COLEC12: variants seen among roughly 807,000 people sequenced by gnomAD.
COLEC12 encodes collectin subfamily member 12.
Under a neutral mutation model 71.1 loss-of-function variants are expected in COLEC12, and 33 were observed. The ratio of observed to expected loss-of-function variants is 0.46; its 90% confidence interval spans 0.35 to 0.62. The LOEUF is 0.62. Ranked by LOEUF, COLEC12 falls within the 20% of genes least tolerant of loss-of-function variation. The pLI, the probability that COLEC12 is intolerant of heterozygous loss-of-function variation, is 0.00. For synonymous variants in COLEC12, 350 were observed against 353.0 expected (o/e 0.99, Z 0.10); for missense variants, 765 against 916.1 (o/e 0.84, Z 2.13).
intron 1 of COLEC12, among the ~76,000 whole-genome samples, chr18:482,023 TGA>T (rs1917427940): frequency 6.6e-6 from 1 of 152,024 alleles, no homozygotes; most frequent in South Asian, 2.1e-4. Context: ...ACCCACGTAG[TGA>T]GCATAGCACC....
At chr18:335,461 T>C (rs1331303179) in intron 5 of COLEC12, among the ~76,000 whole-genome samples, 1 of 152,206 alleles carries the variant, frequency 6.6e-6, no homozygotes, top group African/African-American at 2.4e-5. Context: ...GGATGGGACT[T>C]ATTAAGAGAC....
At position 488,424 on chromosome 18, in the gene COLEC12, A is replaced by T. The variant is rs1399742237; in HGVS notation, c.8-7667T>A. Among the ~76,000 whole-genome samples the T allele has an allele frequency of 3.9e-5, 6 of 152,326 alleles. 1 individual carries two copies. The highest frequency in any genetic ancestry group is 1.4e-4 in the African/African-American group (6 of 41,544). On this transcript the variant is annotated intron_variant, in intron 1 of 9. Coordinates refer to ENST00000400256, the MANE Select transcript of COLEC12 (RefSeq NM_130386.3). ...TGACTCCATCTCAAAAAAGAGAAAA[A>T]GAAAGAACTTTTGGAAATTAAAAAA...
chr18:404,248 GAAA>G (rs1351717766), intron 2 of COLEC12, among the ~76,000 whole-genome samples: 2 of 151,992 alleles, frequency 1.3e-5, no homozygotes, highest in African/African-American at 4.8e-5. Context: ...CAAAGTTTGG[GAAA>G]ATGTGGTTTA....
chr18:466,338 TCAATCTTTTCCTC>T (rs1348709957), intron 2 of COLEC12, among the ~76,000 whole-genome samples: 1 of 152,212 alleles, frequency 6.6e-6, no homozygotes, highest in East Asian at 1.9e-4. Flanking sequence ...CGTGCTTCCT[TCAATCTTTTCCTC>T]CTGACACTAG....
chr18:357,643 A>G (rs1209726429), intron 2 of COLEC12, 121 bp from the exon 3 acceptor site: 3 of 730,572 alleles, frequency 4.1e-6, no homozygotes, highest in Non-Finnish European at 6.5e-6. Flanking sequence ...TTACTATACT[A>G]TGAGAACTAT....
At chr18:439,809 C>T (rs1916479060) in intron 2 of COLEC12, among the ~76,000 whole-genome samples, 1 of 152,116 alleles carries the variant, frequency 6.6e-6, no homozygotes, top group African/African-American at 2.4e-5. Context: ...AAAAACAGAA[C>T]TACCATATGA....
chr18:413,101 T>C (rs191674986), intron 2 of COLEC12, among the ~76,000 whole-genome samples: 33 of 152,274 alleles, frequency 2.2e-4, no homozygotes, highest in African/African-American at 7.2e-4. Context: ...AGTAAGAAGA[T>C]AGAAGAAGGT....
At chr18:492,861 A>C (rs1378148458) in intron 1 of COLEC12, among the ~76,000 whole-genome samples, 6 of 152,196 alleles carry the variant, frequency 3.9e-5, no homozygotes, top group Non-Finnish European at 8.8e-5. Flanking sequence ...CAATTCAAGA[A>C]GACTCTGAAT....
At chr18:390,029 A>AT (rs1915429404) in intron 2 of COLEC12, among the ~76,000 whole-genome samples, 1 of 152,200 alleles carries the variant, frequency 6.6e-6, no homozygotes, top group Non-Finnish European at 1.5e-5. Flanking sequence ...TTCTGATGGA[A>AT]TTTTTTCTTT....
intron 5 of COLEC12, among the ~76,000 whole-genome samples, chr18:343,123 G>A (rs1914294124): frequency 6.6e-6 from 1 of 152,250 alleles, no homozygotes; most frequent in Middle Eastern, 3.4e-3. Context: ...CCCCTACCAT[G>A]TGTTCAATTT....
At chr18:457,615 T>C (rs1236667151) in intron 2 of COLEC12, among the ~76,000 whole-genome samples, 1 of 152,192 alleles carries the variant, frequency 6.6e-6, no homozygotes, top group Non-Finnish European at 1.5e-5. Flanking sequence ...TGATGAGCAG[T>C]TGCGAAATGG....
chr18:481,669 A>C (rs1038859289), intron 1 of COLEC12, among the ~76,000 whole-genome samples: 2 of 151,698 alleles, frequency 1.3e-5, no homozygotes, highest in African/African-American at 2.4e-5. Flanking sequence ...GTGCCATTGA[A>C]CTCCAGCCTG....
At chr18:365,425 T>C (rs573724563) in intron 2 of COLEC12, among the ~76,000 whole-genome samples, 3 of 152,306 alleles carry the variant, frequency 2.0e-5, no homozygotes, top group Admixed American at 2.0e-4. Flanking sequence ...AAGCAAACTA[T>C]GGGATATGCA....
In COLEC12 at chr18:357,397, T is replaced by C. The variant is rs1314887784; in HGVS notation, c.181+3A>G. 6.3e-7 allele frequency: 1 copy of C among 1,588,630 alleles called. No individual in the cohort carries two copies. Among genetic ancestry groups the C allele is most frequent in the Non-Finnish European group, 8.5e-7 (1 of 1,172,906 alleles). Reference sequence around the variant, plus strand: ...TGGAAGAAAAAAAAGAAAGCATGCTTACCTTTATATCCCAAAATGGCTACT... The same window carrying C: ...TGGAAGAAAAAAAAGAAAGCATGCTCACCTTTATATCCCAAAATGGCTACT... On this transcript the variant is annotated splice_donor_region_variant and intron_variant, in intron 3 of 9. Transcript: ENST00000400256.
intron 2 of COLEC12, among the ~76,000 whole-genome samples, chr18:401,038 G>A (rs561060453): frequency 6.6e-6 from 1 of 152,242 alleles, no homozygotes; most frequent in South Asian, 2.1e-4. Flanking sequence ...AACTAGATCA[G>A]TGAAGGAACT....
chr18:342,218 C>T (rs1255487171), intron 5 of COLEC12, among the ~76,000 whole-genome samples: 3 of 150,118 alleles, frequency 2.0e-5, no homozygotes, highest in Non-Finnish European at 3.0e-5. Context: ...CCACCACGCC[C>T]GGTTAATTTT....
intron 8 of COLEC12, among the ~76,000 whole-genome samples, chr18:328,083 C>T (rs1433081347): frequency 6.6e-6 from 1 of 152,142 alleles, no homozygotes; most frequent in African/African-American, 2.4e-5. Flanking sequence ...AATGATACTC[C>T]CACCTCAGCC....
intron 2 of COLEC12, among the ~76,000 whole-genome samples, chr18:443,809 G>C (rs987717315): frequency 3.3e-5 from 5 of 152,190 alleles, no homozygotes; most frequent in Non-Finnish European, 5.9e-5. Flanking sequence ...TGGATCATGG[G>C]GGTGGATCTC....
intron 1 of COLEC12, among the ~76,000 whole-genome samples, chr18:483,492 T>C (rs1334371391): frequency 6.6e-6 from 1 of 152,134 alleles, no homozygotes; most frequent in Non-Finnish European, 1.5e-5. Flanking sequence ...CATTGTCTCC[T>C]TATTCTGCAG....
Sources: allele counts gnomAD v4.1 joint callset (sites outside exome capture counted in the v4.1 genomes callset), GRCh38; gene constraint gnomAD v4.1.1; transcripts MANE v1.5; gene names NCBI Gene and HGNC (gene_info 2026-07-23, HGNC 2026-07-21).